GOLM1: variants seen among roughly 807,000 people sequenced by gnomAD.
GOLM1 encodes the protein golgi membrane protein 1.
In GOLM1, 31 loss-of-function variants were observed where a neutral mutation model predicts 50.5. The ratio of observed to expected loss-of-function variants is 0.61; its 90% CI spans 0.46 to 0.83. GOLM1 has a LOEUF of 0.83. GOLM1 is among the 40% of genes least tolerant of loss of function. The pLI, the probability that GOLM1 is intolerant of heterozygous loss-of-function variation, is 0.00. For synonymous variants in GOLM1, 178 were observed against 192.8 expected (o/e 0.92, Z 0.64); for missense variants, 491 against 501.3 (o/e 0.98, Z 0.20).
intron 3 of GOLM1, among the ~76,000 whole-genome samples, chr9:86,053,439 CCAT>C (rs1410657649): frequency 4.1e-4 from 2 of 4,862 alleles, no homozygotes; most frequent in Non-Finnish European, 6.0e-4. Flanking sequence ...ACACCACACA[CCAT>C]TCCATACCAA....
intron 3 of GOLM1, among the ~76,000 whole-genome samples, chr9:86,057,203 C>G (rs1834020104): frequency 6.6e-6 from 1 of 152,122 alleles, no homozygotes; most frequent in Non-Finnish European, 1.5e-5. Flanking sequence ...CCATTCCATT[C>G]TGGGAAACAA....
intron 3 of GOLM1, among the ~76,000 whole-genome samples, chr9:86,059,296 T>A: frequency 6.6e-6 from 1 of 152,188 alleles, no homozygotes; most frequent in East Asian, 1.9e-4. Context: ...ACAATCCAAA[T>A]GTCCGTCAAC....
chr9:86,092,410 C>T (rs371928258), intron 1 of GOLM1, among the ~76,000 whole-genome samples: 1 of 152,230 alleles, frequency 6.6e-6, no homozygotes, highest in African/African-American at 2.4e-5. Context: ...GCAGTACCTG[C>T]CATTACCTGG....
chr9:86,075,247 T>G (rs1206872349), intron 3 of GOLM1, among the ~76,000 whole-genome samples: 1 of 152,228 alleles, frequency 6.6e-6, no homozygotes, highest in Non-Finnish European at 1.5e-5. Flanking sequence ...GTTTATGATA[T>G]TTTGTTATAG....
chr9:86,046,042 A>G (rs945612804), intron 5 of GOLM1, among the ~76,000 whole-genome samples: 2 of 152,334 alleles, frequency 1.3e-5, no homozygotes, highest in Admixed American at 1.3e-4. Flanking sequence ...TTCTCACTGT[A>G]AAAATTGGGA....
chr9:86,086,065 G>A (rs1010897584), intron 1 of GOLM1, among the ~76,000 whole-genome samples: 1 of 152,164 alleles, frequency 6.6e-6, no homozygotes, highest in African/African-American at 2.4e-5. Context: ...TTCCACAATG[G>A]TTGAACTAAC....
intron 1 of GOLM1, among the ~76,000 whole-genome samples, chr9:86,090,695 G>C: frequency 6.8e-6 from 1 of 145,998 alleles, no homozygotes; most frequent in Non-Finnish European, 1.5e-5. Flanking sequence ...GGAATCCAAT[G>C]AGTTAGACCA....
At chr9:86,044,002 A>G (rs1833451186) in intron 5 of GOLM1, among the ~76,000 whole-genome samples, 1 of 152,228 alleles carries the variant, frequency 6.6e-6, no homozygotes, top group Non-Finnish European at 1.5e-5. Flanking sequence ...TCTAAATGCA[A>G]TTCTTTAATT....
intron 3 of GOLM1, among the ~76,000 whole-genome samples, chr9:86,059,792 C>T (rs1052489562): frequency 1.3e-5 from 2 of 150,114 alleles, no homozygotes; most frequent in African/African-American, 2.5e-5. Context: ...CCCAGCTACT[C>T]GGGAGGCTGA....
intron 6 of GOLM1, among the ~76,000 whole-genome samples, chr9:86,038,247 G>A (rs1309863788): frequency 6.6e-6 from 1 of 151,984 alleles, no homozygotes; most frequent in Non-Finnish European, 1.5e-5. Context: ...AGCTCAACCA[G>A]GCTCTCAGTG....
intron 9 of GOLM1, among the ~76,000 whole-genome samples, chr9:86,030,253 A>C (rs1322321587): frequency 6.6e-6 from 1 of 151,674 alleles, no homozygotes; most frequent in Non-Finnish European, 1.5e-5. Flanking sequence ...GAATAGAAGT[A>C]AGACAGTGAC....
In GOLM1 at chr9:86,031,925, CAAAAA is replaced by C. The variant is rs1043805404; in HGVS notation, c.1129+1352_1129+1356del. 3.2e-3 allele frequency among the ~76,000 whole-genome samples: 114 copies of C among 36,064 alleles called. 1 individual carries two copies. Among genetic ancestry groups the C allele is most frequent in the African/African-American group, 0.011 (108 of 10,050 alleles). The allele number at this position is 36,064 out of a possible 152,430, so 23.7% of individuals were successfully genotyped here. A position where few individuals can be genotyped will look rare whatever the true frequency, so the allele number is the denominator to read the frequency against. On this transcript the variant is annotated intron_variant, in intron 9 of 9. Coordinates refer to ENST00000388712, the MANE Select transcript of GOLM1 (RefSeq NM_016548.4). ...AGGGTGACAGAGCGAGACTCCATCTCAAAAAAAAAAAAAAAAAAAAAAAAAGACGC... is the reference window on the plus strand; with the variant it reads ...AGGGTGACAGAGCGAGACTCCATCTCAAAAAAAAAAAAAAAAAAAAGACGC...
intron 9 of GOLM1, among the ~76,000 whole-genome samples, chr9:86,030,481 A>G (rs946143197): frequency 7.9e-5 from 12 of 152,196 alleles, no homozygotes; most frequent in Non-Finnish European, 1.5e-5. Flanking sequence ...AGAAATATAA[A>G]AGATAATTTT....
intron 1 of GOLM1, among the ~76,000 whole-genome samples, chr9:86,093,642 A>G (rs919990975): frequency 2.0e-5 from 3 of 147,102 alleles, no homozygotes; most frequent in Admixed American, 6.7e-5. Flanking sequence ...GCTTAATTTA[A>G]AAATTCAACC....
chr9:86,093,196 A>G (rs1835237569), intron 1 of GOLM1, among the ~76,000 whole-genome samples: 1 of 152,168 alleles, frequency 6.6e-6, no homozygotes, highest in South Asian at 2.1e-4. Flanking sequence ...CCTGGCCAAC[A>G]TATCAAAACC....
chr9:86,037,418 G>T (rs1442413735), intron 6 of GOLM1, among the ~76,000 whole-genome samples: 1 of 138,030 alleles, frequency 7.2e-6, no homozygotes, highest in African/African-American at 2.8e-5. Context: ...AGCCTGGGGC[G>T]ACAGAGCGAG....
Position 86,035,424 on chromosome 9 carries a change from C to T in GOLM1, c.959G>A (p.Arg320Gln), listed in dbSNP as rs1490435421. ...QENPEMEGPE[R>Q]DQLVIPDGQE... The stretch of plus-strand genomic sequence containing the variant: ...TCCGTCGGGGATGACAAGCTGGTCT[C>T]GCTCAGGGCCCTCCATCTCTGGATT... Residue 320 changes from arginine to glutamine, a missense_variant, in exon 8 of 10, where the codon CGA becomes CAA. Physicochemically the swap from Arg to Gln is conservative, Grantham distance 43. Transcript: ENST00000388712. 22 of 1,613,872 alleles carry T rather than the reference C, an allele frequency of 1.4e-5. No homozygotes were observed. The highest frequency in any genetic ancestry group is 1.3e-4 in the South Asian group (12 of 91,072).
At chr9:86,056,509 T>TAA (rs1564348879) in intron 3 of GOLM1, among the ~76,000 whole-genome samples, 7 of 143,124 alleles carry the variant, frequency 4.9e-5, no homozygotes, top group Non-Finnish European at 4.7e-5. Context: ...TTTAAATTTT[T>TAA]TTTTTTTTTT....
At chr9:86,098,204 G>C (rs1292675271) in intron 1 of GOLM1, among the ~76,000 whole-genome samples, 2 of 152,088 alleles carry the variant, frequency 1.3e-5, no homozygotes, top group African/African-American at 2.4e-5. Flanking sequence ...TGAGTGTCTG[G>C]CCTAAAAACA....
Sources: gnomAD v4.1 joint callset for allele counts (sites outside exome capture counted in the v4.1 genomes callset) on GRCh38, gnomAD v4.1.1 for gene constraint, MANE v1.5 for transcripts, NCBI Gene and HGNC (gene_info 2026-07-23, HGNC 2026-07-21) for gene names.